MYH16: variants seen among roughly 807,000 people sequenced by gnomAD.
MYH16 encodes putative uncharacterized protein MYH16.
exon 35 of MYH16, chr7:99,297,793 G>A (rs1285927499): frequency 2.2e-6 from 1 of 456,714 alleles, no homozygotes; most frequent in Admixed American, 2.3e-5. Context: ...AGTCTTCCCT[G>A]GAGGTAACCA....
At chr7:99,262,073 C>T (rs1229882823) in intron 13 of MYH16, 2 of 152,234 alleles carry the variant, frequency 1.3e-5, no homozygotes, top group Non-Finnish European at 2.9e-5. Context: ...TATAAAGTGG[C>T]TTTTTCACTC....
At chr7:99,307,705 C>T (rs897268394), downstream of MYH16, among the ~76,000 whole-genome samples, 4 of 152,132 alleles carry the variant, frequency 2.6e-5, no homozygotes, top group East Asian at 7.7e-4. Context: ...AGTGAGGCCC[C>T]ATCTCAAAGA....
chr7:99,300,098 T>G (rs1424161782), intron 37 of MYH16, among the ~76,000 whole-genome samples: 2 of 151,878 alleles, frequency 1.3e-5, no homozygotes, highest in Non-Finnish European at 2.9e-5. Context: ...TAGCTGGGAT[T>G]ACAGGCACCC....
intron 31 of MYH16, 40 bp downstream of exon 12, chr7:99,291,490 C>T (rs1464715423): frequency 6.6e-6 from 3 of 451,994 alleles, no homozygotes; most frequent in Admixed American, 2.4e-5. Flanking sequence ...ACAGAGCTGC[C>T]GCCTTAAAGT....
Position 99,291,463 on chromosome 7 carries a change from G to T in MYH16, n.3952+13G>T, listed in dbSNP as rs946779551. The T allele has an allele frequency of 3.1e-5, 14 of 456,160 alleles. No individual in the cohort carries two copies. The highest frequency in any genetic ancestry group is 1.4e-4 in the East Asian group (2 of 14,396). 28.3% of individuals were successfully genotyped at this position (456,160 alleles called of 1,614,324 possible). A position where few individuals can be genotyped will look rare whatever the true frequency, so the allele number is the denominator to read the frequency against. The stretch of plus-strand genomic sequence containing the variant: ...TGAAGAGTCAAAGGTTTGTTTGGAC[G>T]TGGGGTTGCGGTGGAGACAGAGCTG... On this transcript the variant is annotated intron_variant and non_coding_transcript_variant, in intron 31 of 41. Transcript: ENST00000439784.
intron 18 of MYH16, among the ~76,000 whole-genome samples, chr7:99,267,469 A>G (rs1791999115): frequency 6.6e-6 from 1 of 152,282 alleles, no homozygotes; most frequent in Middle Eastern, 3.4e-3. Context: ...GGCTCAAGCA[A>G]TCCACCTGCC....
chr7:99,239,939 T>C (rs1371756539), intron 1 of MYH16, among the ~76,000 whole-genome samples: 1 of 152,070 alleles, frequency 6.6e-6, no homozygotes, highest in Non-Finnish European at 1.5e-5. Flanking sequence ...TCCCAGCACT[T>C]TGGGAGACCA....
At chr7:99,291,748 C>G (rs1174563475) in intron 31 of MYH16, among the ~76,000 whole-genome samples, 1 of 151,998 alleles carries the variant, frequency 6.6e-6, no homozygotes, top group African/African-American at 2.4e-5. Flanking sequence ...CACCTGAGGT[C>G]AGGAGTTCGA....
At chr7:99,240,079 G>A (rs142931952) in intron 1 of MYH16, among the ~76,000 whole-genome samples, 1 of 145,570 alleles carries the variant, frequency 6.9e-6, no homozygotes, top group Non-Finnish European at 1.5e-5. Flanking sequence ...TTTTAAATGG[G>A]TAAGGGCAGG....
At chr7:99,261,434 C>G (rs1791936063) in intron 12 of MYH16, 1 of 153,766 alleles carries the variant, frequency 6.5e-6, no homozygotes, top group African/African-American at 2.4e-5. Context: ...CTAACATCAC[C>G]CTGTTCTCTT....
intron 1 of MYH16, among the ~76,000 whole-genome samples, chr7:99,239,503 G>A (rs755130924): frequency 6.6e-6 from 1 of 152,192 alleles, no homozygotes; most frequent in Non-Finnish European, 1.5e-5. Context: ...AGAACAGATG[G>A]TGGTTCCCAG....
intron 20 of MYH16, among the ~76,000 whole-genome samples, chr7:99,277,011 G>A (rs1452862264): frequency 2.0e-5 from 3 of 151,598 alleles, no homozygotes; most frequent in Non-Finnish European, 2.9e-5. Context: ...TGAGAAGAGA[G>A]GCAGAGATAG....
chr7:99,272,335 C>A (rs1792056861), intron 19 of MYH16, among the ~76,000 whole-genome samples: 1 of 152,286 alleles, frequency 6.6e-6, no homozygotes, highest in Admixed American at 6.5e-5. Flanking sequence ...GGTTAAGGAA[C>A]TGGGGCAGGT....
At position 99,296,868 on chromosome 7, in the gene MYH16, GTC is replaced by G. The variant is rs765108427; in HGVS notation, n.4454_4455del. The stretch of plus-strand genomic sequence containing the variant: ...TCAAGATCAAGACTGCCTACGAGGA[GTC>G]TCTGGAGCATCTAGAGTCCGTGAAG... On this transcript the variant is annotated non_coding_transcript_exon_variant, in exon 34 of 42. Transcript: ENST00000439784. 85 of 457,822 alleles carry G rather than the reference GTC, an allele frequency of 1.9e-4. 1 individual carries two copies. The highest frequency in any genetic ancestry group is 1.3e-3 in the South Asian group (85 of 64,602). The allele number at this position is 457,822 out of a possible 1,614,324, so 28.4% of individuals were successfully genotyped here. A position where few individuals can be genotyped will look rare whatever the true frequency, so the allele number is the denominator to read the frequency against.
At chr7:99,272,466 G>A (rs1356713650) in intron 19 of MYH16, among the ~76,000 whole-genome samples, 15 of 152,058 alleles carry the variant, frequency 9.9e-5, no homozygotes, top group African/African-American at 3.1e-4. Flanking sequence ...GGCCAGGTGT[G>A]GTAGCCCATA....
intron 22 of MYH16, among the ~76,000 whole-genome samples, chr7:99,280,242 T>C (rs1399304616): frequency 1.3e-5 from 2 of 152,258 alleles, no homozygotes; most frequent in Admixed American, 1.3e-4. Context: ...ACAAGCCACA[T>C]TGCAGGTGCT....
chr7:99,252,296 G>A lies in MYH16; in HGVS notation n.730-517G>A, dbSNP rs180962715. 9.2e-5 allele frequency among the ~76,000 whole-genome samples: 14 copies of A among 152,260 alleles called. No homozygotes were observed. The East Asian group carries it at 2.1e-3, about 23-fold the overall frequency. The stretch of plus-strand genomic sequence containing the variant: ...CCCTGGCCTCGTCTCCCTCACTCCC[G>A]GGTCTCGGGCTTCCCATTGGCAGAG... On this transcript the variant is annotated intron_variant and non_coding_transcript_variant, in intron 6 of 41. Coordinates refer to ENST00000439784, the Ensembl canonical transcript of MYH16.
At chr7:99,303,751 A>T (rs1177777679) in intron 39 of MYH16, among the ~76,000 whole-genome samples, 1 of 152,194 alleles carries the variant, frequency 6.6e-6, no homozygotes, top group African/African-American at 2.4e-5. Context: ...GCAGTGAGTC[A>T]TGATCCCGCC....
At chr7:99,241,024 G>A (rs902555478) in intron 1 of MYH16, among the ~76,000 whole-genome samples, 3 of 152,298 alleles carry the variant, frequency 2.0e-5, no homozygotes, top group Non-Finnish European at 4.4e-5. Context: ...CTGCAGTGTC[G>A]TGAGAAGTGA....
Sources: gnomAD v4.1 joint callset for allele counts (sites outside exome capture counted in the v4.1 genomes callset) on GRCh38, gnomAD v4.1.1 for gene constraint, MANE v1.5 for transcripts, NCBI Gene and HGNC (gene_info 2026-07-23, HGNC 2026-07-21) for gene names.